ETV6: variants seen among roughly 807,000 people sequenced by gnomAD.
The protein encoded by ETV6 is transcription factor ETV6.
Under a neutral mutation model 51.1 loss-of-function variants are expected in ETV6, and 16 were observed. The observed-to-expected ratio is 0.31, with a 90% CI of 0.21 to 0.48. ETV6 has a LOEUF of 0.48. Ranked by LOEUF, ETV6 falls within the 20% of genes least tolerant of loss-of-function variation. The pLI is 0.99. For synonymous variants in ETV6, 240 were observed against 224.1 expected (o/e 1.07, Z -0.64); for missense variants, 458 against 594.8 (o/e 0.77, Z 2.39).
At chr12:11,873,296 A>T (rs1006153489) in intron 5 of ETV6, among the ~76,000 whole-genome samples, 4 of 152,006 alleles carry the variant, frequency 2.6e-5, no homozygotes, top group African/African-American at 9.7e-5. Flanking sequence ...AGTTTTAAGC[A>T]CCTTTGTTTC....
intron 2 of ETV6, among the ~76,000 whole-genome samples, chr12:11,783,844 G>A (rs777252551): frequency 7.2e-5 from 11 of 152,148 alleles, no homozygotes; most frequent in Non-Finnish European, 1.2e-4. Flanking sequence ...GTGGTTGGTT[G>A]TTTTTTTGTT....
chr12:11,823,437 TG>T (rs1287673858), intron 2 of ETV6, among the ~76,000 whole-genome samples: 1 of 152,046 alleles, frequency 6.6e-6, no homozygotes, highest in Non-Finnish European at 1.5e-5. Context: ...TCTTTACTGT[TG>T]TTTTAATCCC....
chr12:11,755,050 T>C (rs1944987577), intron 2 of ETV6, among the ~76,000 whole-genome samples: 1 of 152,222 alleles, frequency 6.6e-6, no homozygotes, highest in Non-Finnish European at 1.5e-5. Context: ...ATATCCACTA[T>C]ACCACCAAAA....
chr12:11,780,428 C>T (rs533059253), intron 2 of ETV6, among the ~76,000 whole-genome samples: 1 of 151,992 alleles, frequency 6.6e-6, no homozygotes, highest in East Asian at 1.9e-4. Context: ...TTGCAAATAA[C>T]AACAAAAAGC....
intron 2 of ETV6, among the ~76,000 whole-genome samples, chr12:11,770,349 G>A (rs1489371272): frequency 6.6e-6 from 1 of 151,868 alleles, no homozygotes; most frequent in Non-Finnish European, 1.5e-5. Context: ...GAGGAAGGAA[G>A]TTCCCCCTCC....
At chr12:11,816,845 A>G (rs146977317) in intron 2 of ETV6, among the ~76,000 whole-genome samples, 192 of 152,304 alleles carry the variant, frequency 1.3e-3, no homozygotes, top group African/African-American at 4.4e-3. Flanking sequence ...CTTTCCTTCA[A>G]TATTTTCCTA....
intron 1 of ETV6, among the ~76,000 whole-genome samples, chr12:11,700,812 G>A (rs1015468202): frequency 6.6e-6 from 1 of 152,134 alleles, no homozygotes; most frequent in Non-Finnish European, 1.5e-5. Flanking sequence ...TGCGGAGGAG[G>A]CGGGAGGAAA....
intron 1 of ETV6, among the ~76,000 whole-genome samples, chr12:11,727,775 C>T (rs1865517679): frequency 6.6e-6 from 1 of 152,162 alleles, no homozygotes; most frequent in Admixed American, 6.5e-5. Context: ...TGACAGGAGA[C>T]CCCGCGGAGA....
intron 2 of ETV6, among the ~76,000 whole-genome samples, chr12:11,792,762 G>A (rs748833371): frequency 6.6e-6 from 1 of 151,940 alleles, no homozygotes; most frequent in Non-Finnish European, 1.5e-5. Flanking sequence ...TTCATCTACT[G>A]TAAAACCAAA....
chr12:11,795,749 C>G (rs76658147), intron 2 of ETV6, among the ~76,000 whole-genome samples: 1 of 152,186 alleles, frequency 6.6e-6, no homozygotes, highest in Admixed American at 6.5e-5. Context: ...ATTCCAGTTC[C>G]GGCTCTGCTA....
chr12:11,668,151 C>T (rs77217817), intron 1 of ETV6, among the ~76,000 whole-genome samples: 5,324 of 151,672 alleles, frequency 0.035, 112 homozygotes, highest in Admixed American at 0.062. Flanking sequence ...GACTTTTGAA[C>T]TACCACAACT....
rs541684225 is a variant in ETV6 at position 11,656,121 on chromosome 12, G to A, written c.33+5961G>A. ...GCTACTGCATGCTGGTCCTTGTGCT[G>A]TTTTATATACATTATATACATTATC... On this transcript the variant is annotated intron_variant, in intron 1 of 7. Coordinates refer to ENST00000396373, the MANE Select transcript of ETV6 (RefSeq NM_001987.5). 1.2e-3 allele frequency among the ~76,000 whole-genome samples: 182 copies of A among 152,138 alleles called. 1 individual carries two copies. Among genetic ancestry groups the A allele is most frequent in the African/African-American group, 4.2e-3 (173 of 41,488 alleles).
At chr12:11,667,402 A>G (rs71455401) in intron 1 of ETV6, among the ~76,000 whole-genome samples, 5,317 of 152,172 alleles carry the variant, frequency 0.035, 110 homozygotes, top group Admixed American at 0.062. Flanking sequence ...AGAGGACTCG[A>G]TGCTCATGAA....
At chr12:11,862,646 G>A (rs777849243) in intron 4 of ETV6, among the ~76,000 whole-genome samples, 20 of 152,152 alleles carry the variant, frequency 1.3e-4, no homozygotes, top group Non-Finnish European at 2.8e-4. Flanking sequence ...TGTATGTCTG[G>A]AAGTCCAGAG....
At chr12:11,671,630 T>A (rs1565480609) in intron 1 of ETV6, among the ~76,000 whole-genome samples, 1 of 152,066 alleles carries the variant, frequency 6.6e-6, no homozygotes, top group Non-Finnish European at 1.5e-5. Context: ...ATAAATAAAT[T>A]CATTAGAATA....
intron 1 of ETV6, among the ~76,000 whole-genome samples, chr12:11,675,617 TC>T (rs1387505686): frequency 6.6e-6 from 1 of 152,056 alleles, no homozygotes; most frequent in East Asian, 1.9e-4. Context: ...TTCTAGACTA[TC>T]CTGAGCAACA....
At chr12:11,837,622 A>G (rs1234558497) in intron 2 of ETV6, among the ~76,000 whole-genome samples, 1 of 152,132 alleles carries the variant, frequency 6.6e-6, no homozygotes, top group African/African-American at 2.4e-5. Context: ...ATGAAAGGTA[A>G]TTTTTTCCAG....
chr12:11,685,396 C>T (rs531500123), intron 1 of ETV6, among the ~76,000 whole-genome samples: 2 of 151,742 alleles, frequency 1.3e-5, no homozygotes, highest in South Asian at 4.2e-4. Flanking sequence ...ACCTAGAAAC[C>T]CTTAGGGGCA....
chr12:11,733,325 G>C (rs564740703), intron 1 of ETV6, among the ~76,000 whole-genome samples: 3 of 145,654 alleles, frequency 2.1e-5, no homozygotes, highest in Admixed American at 7.0e-5. Context: ...GGAGAATGGC[G>C]TGAATCCGGG....
Sources: allele counts gnomAD v4.1 joint callset (sites outside exome capture counted in the v4.1 genomes callset), GRCh38; gene constraint gnomAD v4.1.1; transcripts MANE v1.5; gene names NCBI Gene and HGNC (gene_info 2026-07-23, HGNC 2026-07-21).